Variants in CELF2 observed in about 807,000 individuals in gnomAD.
CELF2 encodes the protein CUG triplet repeat RNA-binding protein 2.
A neutral mutation model predicts 62.6 loss-of-function variants in CELF2; 8 were observed. The observed-to-expected ratio is 0.13, with a 90% CI of 0.07 to 0.23. The LOEUF (loss-of-function observed/expected upper bound fraction) is 0.23, where lower values mean the gene tolerates loss of function less well. Among genes scored for constraint, CELF2 ranks in the 10% least tolerant of loss-of-function variants. The pLI is 1.00. For missense variants in CELF2, 333 were observed against 671.0 expected, an observed-to-expected ratio of 0.50 and a Z score of 5.56; for synonymous variants, 258 against 250.0, an observed-to-expected ratio of 1.03 and a Z score of -0.30.
In CELF2 at chr10:11,326,524, G is replaced by T. The variant is rs1473168059; in HGVS notation, c.1438+545G>T. On this transcript the variant is annotated intron_variant, in intron 12 of 12. Coordinates refer to ENST00000633077, the MANE Select transcript of CELF2 (RefSeq NM_001326342.2). ...GAATGAATGCGGAGTCCAGGGGCGT[G>T]CAGCTGTTATCAGAGACTCAGCTGC... Among the ~76,000 whole-genome samples the T allele has an allele frequency of 2.6e-5, 4 of 152,206 alleles. No homozygotes were observed. The East Asian group carries it at 7.7e-4, about 29-fold the overall frequency.
At chr10:10,561,553 T>A in the CELF2 span, among the ~76,000 whole-genome samples, 1 of 152,210 alleles carries the variant, frequency 6.6e-6, no homozygotes, top group Admixed American at 6.5e-5. Context: ...TATCTTGGAT[T>A]TTGATGAGTG....
At chr10:10,497,191 TAAAAAAAA>T in the CELF2 span, among the ~76,000 whole-genome samples, 1 of 94,166 alleles carries the variant, frequency 1.1e-5, no homozygotes, top group South Asian at 3.5e-4. Context: ...AGACTCCATC[TAAAAAAAA>T]AAAAAAGATA....
chr10:10,537,632 G>A, the CELF2 span, among the ~76,000 whole-genome samples: 3 of 152,122 alleles, frequency 2.0e-5, no homozygotes, highest in Non-Finnish European at 2.9e-5. Context: ...AGTTTTTGGT[G>A]TCAGGAGAAC....
chr10:10,554,806 A>G, the CELF2 span, among the ~76,000 whole-genome samples: 1 of 152,196 alleles, frequency 6.6e-6, no homozygotes, highest in Non-Finnish European at 1.5e-5. Flanking sequence ...TTAACTCCAG[A>G]AATGCACCCC....
intron 3 of CELF2, among the ~76,000 whole-genome samples, chr10:11,239,218 G>A (rs531740888): frequency 2.0e-5 from 3 of 152,078 alleles, no homozygotes; most frequent in Non-Finnish European, 4.4e-5. Flanking sequence ...AAATGGCTTT[G>A]TTGCTTGTTT....
the CELF2 span, among the ~76,000 whole-genome samples, chr10:10,656,873 A>T: frequency 6.6e-6 from 1 of 151,504 alleles, no homozygotes; most frequent in Non-Finnish European, 1.5e-5. Context: ...AAGTATAATT[A>T]AAAAAATAAA....
chr10:10,940,258 T>C (rs2046906534), intron 2 of CELF2, among the ~76,000 whole-genome samples: 1 of 152,152 alleles, frequency 6.6e-6, no homozygotes, highest in Non-Finnish European at 1.5e-5. Context: ...GTTTTGTTTG[T>C]TTTTTTACAA....
chr10:10,683,001 C>A, the CELF2 span, among the ~76,000 whole-genome samples: 1 of 152,170 alleles, frequency 6.6e-6, no homozygotes. Context: ...CAGAACGCAG[C>A]AAGACCCTGT....
intron 1 of CELF2, among the ~76,000 whole-genome samples, chr10:10,869,720 C>T (rs138259063): frequency 0.013 from 1,959 of 152,278 alleles, 27 homozygotes; most frequent in Middle Eastern, 0.051. Flanking sequence ...TCTTTACTTT[C>T]GTATGGTGTC....
At chr10:11,029,809 T>C (rs1049680926) in intron 1 of CELF2, among the ~76,000 whole-genome samples, 4 of 152,266 alleles carry the variant, frequency 2.6e-5, no homozygotes, top group African/African-American at 9.6e-5. Context: ...CTTTTTCTCT[T>C]ATCAATGTCC....
chr10:10,566,697 T>A, the CELF2 span, among the ~76,000 whole-genome samples: 1 of 151,928 alleles, frequency 6.6e-6, no homozygotes, highest in South Asian at 2.1e-4. Flanking sequence ...AGCCACCTTT[T>A]ATAAACCCTC....
the CELF2 span, among the ~76,000 whole-genome samples, chr10:10,778,255 C>G: frequency 6.6e-6 from 1 of 152,130 alleles, no homozygotes; most frequent in African/African-American, 2.4e-5. Flanking sequence ...CCTTTACAAC[C>G]TGGAGGGGCC....
the CELF2 span, among the ~76,000 whole-genome samples, chr10:10,520,393 T>C: frequency 6.6e-6 from 1 of 152,146 alleles, no homozygotes; most frequent in African/African-American, 2.4e-5. Flanking sequence ...AGGTAGACTT[T>C]CCAGAAAATA....
Position 11,157,881 on chromosome 10 carries a change from C to T in CELF2, c.75-7605C>T, listed in dbSNP as rs2064865693. Reference sequence around the variant, plus strand: ...TCTTCAGTGGTGAAAACAGAAGTTACCTGCCTTGAGAAGCACAGTCACCAC... The same window carrying T: ...TCTTCAGTGGTGAAAACAGAAGTTATCTGCCTTGAGAAGCACAGTCACCAC... On this transcript the variant is annotated intron_variant, in intron 1 of 12. Coordinates refer to ENST00000633077, the MANE Select transcript of CELF2 (RefSeq NM_001326342.2). The surrounding 1 kb of genome is among the most constrained non-coding windows in gnomAD (Gnocchi z 4.9). Among the ~76,000 whole-genome samples the T allele has an allele frequency of 2.0e-5, 3 of 152,192 alleles. No individual in the cohort carries two copies. The highest frequency in any genetic ancestry group is 2.0e-4 in the Admixed American group (3 of 15,276).
intron 1 of CELF2, among the ~76,000 whole-genome samples, chr10:11,148,292 A>G (rs2062649832): frequency 6.6e-6 from 1 of 152,186 alleles, no homozygotes; most frequent in Non-Finnish European, 1.5e-5. Context: ...GGCATTGCTC[A>G]TTGTTCAGAT....
the CELF2 span, among the ~76,000 whole-genome samples, chr10:10,616,691 CGTGTGTGT>C: frequency 1.9e-4 from 26 of 134,428 alleles, no homozygotes; most frequent in Admixed American, 7.5e-4. Context: ...TGTGTGTGTG[CGTGTGTGT>C]GTGTGTGTGT....
At chr10:10,727,770 T>A in the CELF2 span, among the ~76,000 whole-genome samples, 1 of 97,194 alleles carries the variant, frequency 1.0e-5, no homozygotes, top group Admixed American at 1.2e-4. Flanking sequence ...TGCAAGACTC[T>A]GTCTCAAAAA....
the CELF2 span, among the ~76,000 whole-genome samples, chr10:10,657,016 C>T: frequency 6.6e-6 from 1 of 150,726 alleles, no homozygotes; most frequent in Non-Finnish European, 1.5e-5. Flanking sequence ...GGAAACCATT[C>T]AAATATTCAT....
At chr10:10,475,271 T>C in the CELF2 span, among the ~76,000 whole-genome samples, 2 of 151,952 alleles carry the variant, frequency 1.3e-5, no homozygotes, top group Non-Finnish European at 2.9e-5. Flanking sequence ...GATGACAGAA[T>C]TTTCTCAGTA....
Sources: gnomAD v4.1 joint callset for allele counts (sites outside exome capture counted in the v4.1 genomes callset) on GRCh38, gnomAD v4.1.1 for gene constraint, Gnocchi (gnomAD v3.1) non-coding constraint, MANE v1.5 for transcripts, NCBI Gene and HGNC (gene_info 2026-07-23, HGNC 2026-07-21) for gene names.